Variants in CCSER1 observed in about 807,000 individuals in gnomAD.
CCSER1 encodes serine-rich coiled-coil domain-containing protein 1.
A neutral mutation model predicts 82.0 loss-of-function variants in CCSER1; 41 were observed. That is an observed-to-expected ratio of 0.50 (90% CI 0.39 to 0.65). The LOEUF is 0.65. CCSER1 is among the 30% of genes least tolerant of loss of function. The pLI is 0.00. For missense variants in CCSER1, 1,119 were observed against 1,064.2 expected (o/e 1.05, Z -0.72); for synonymous variants, 414 against 383.9 (o/e 1.08, Z -0.92).
chr4:90,982,974 G>T (rs980166296), intron 9 of CCSER1, among the ~76,000 whole-genome samples: 2 of 151,718 alleles, frequency 1.3e-5, no homozygotes, highest in African/African-American at 4.8e-5. Context: ...ACATCTAAGT[G>T]CATTTCCTCA....
At chr4:91,364,622 A>G (rs962244802) in intron 10 of CCSER1, among the ~76,000 whole-genome samples, 5 of 152,108 alleles carry the variant, frequency 3.3e-5, no homozygotes, top group Non-Finnish European at 5.9e-5. Flanking sequence ...GATTTTTAAC[A>G]TGAGTTACTG....
intron 5 of CCSER1, among the ~76,000 whole-genome samples, chr4:90,600,924 A>G (rs1211788505): frequency 6.6e-6 from 1 of 151,650 alleles, no homozygotes; most frequent in Non-Finnish European, 1.5e-5. Flanking sequence ...ATTTCTATGT[A>G]TTTTGTATTT....
At chr4:90,786,754 G>A (rs1754576910) in intron 7 of CCSER1, among the ~76,000 whole-genome samples, 1 of 152,170 alleles carries the variant, frequency 6.6e-6, no homozygotes, top group Non-Finnish European at 1.5e-5. Context: ...ACACAGAGCA[G>A]CAGACACCAG....
intron 8 of CCSER1, among the ~76,000 whole-genome samples, chr4:90,840,736 C>G (rs1444112756): frequency 1.3e-5 from 2 of 152,056 alleles, no homozygotes; most frequent in African/African-American, 2.4e-5. Context: ...TCCATGAAAG[C>G]TGTAAAGCTC....
intron 3 of CCSER1, among the ~76,000 whole-genome samples, chr4:90,353,750 C>A (rs1299507780): frequency 6.6e-6 from 1 of 152,180 alleles, no homozygotes; most frequent in East Asian, 1.9e-4. Context: ...GCACTCTCCT[C>A]CTCTGTAGGA....
chr4:91,174,898 G>C (rs976306849), intron 10 of CCSER1, among the ~76,000 whole-genome samples: 10 of 150,904 alleles, frequency 6.6e-5, no homozygotes, highest in African/African-American at 2.2e-4. Context: ...ATGTATACAT[G>C]TGCCATGTTG....
intron 10 of CCSER1, among the ~76,000 whole-genome samples, chr4:91,551,477 G>C (rs1762153780): frequency 6.6e-6 from 1 of 151,912 alleles, no homozygotes; most frequent in South Asian, 2.1e-4. Flanking sequence ...TTTCTATTAG[G>C]GTTTTATTGT....
intron 7 of CCSER1, among the ~76,000 whole-genome samples, chr4:90,804,386 TG>T (rs1338770083): frequency 7.1e-6 from 1 of 140,784 alleles, no homozygotes; most frequent in African/African-American, 2.7e-5. Flanking sequence ...AGTTGATTTT[TG>T]TATAAGGTGT....
At chr4:90,128,494 CGTGTGTGT>C (rs147426828) in intron 1 of CCSER1, among the ~76,000 whole-genome samples, 1 of 149,956 alleles carries the variant, frequency 6.7e-6, no homozygotes, top group Admixed American at 6.6e-5. Context: ...AGGTTGTGTG[CGTGTGTGT>C]GTGTGTGTGT....
chr4:91,480,011 C>A (rs373917977), intron 10 of CCSER1, among the ~76,000 whole-genome samples: 7 of 139,136 alleles, frequency 5.0e-5, no homozygotes, highest in East Asian at 2.1e-4. Context: ...TTTGTTCTTG[C>A]GATAGTTTAC....
chr4:91,074,390 G>A (rs576335812), intron 9 of CCSER1, among the ~76,000 whole-genome samples: 67 of 152,284 alleles, frequency 4.4e-4, no homozygotes, highest in Middle Eastern at 3.4e-3. Context: ...AACATCTTAT[G>A]CCACTAACAT....
At chr4:90,720,210 T>G (rs922838632) in intron 6 of CCSER1, among the ~76,000 whole-genome samples, 1 of 152,084 alleles carries the variant, frequency 6.6e-6, no homozygotes, top group Non-Finnish European at 1.5e-5. Context: ...CAGAATCATC[T>G]TGTGCCTCTT....
intron 10 of CCSER1, among the ~76,000 whole-genome samples, chr4:91,501,726 T>A (rs988666199): frequency 6.6e-6 from 1 of 152,258 alleles, no homozygotes; most frequent in African/African-American, 2.4e-5. Flanking sequence ...TCATCATTTG[T>A]GTTAGATAAC....
intron 10 of CCSER1, among the ~76,000 whole-genome samples, chr4:91,345,335 CA>C (rs1747982373): frequency 6.6e-6 from 1 of 151,974 alleles, no homozygotes; most frequent in African/African-American, 2.4e-5. Context: ...TGCAGTGAGT[CA>C]AGATCCTGCC....
intron 10 of CCSER1, among the ~76,000 whole-genome samples, chr4:91,576,831 T>A (rs113143608): frequency 2.3e-4 from 35 of 152,116 alleles, no homozygotes; most frequent in African/African-American, 7.9e-4. Flanking sequence ...ATTTTGGATT[T>A]TAAATTTTTG....
chr4:91,067,880 C>T (rs1721006417), intron 9 of CCSER1, among the ~76,000 whole-genome samples: 1 of 152,184 alleles, frequency 6.6e-6, no homozygotes, highest in Non-Finnish European at 1.5e-5. Context: ...TCATGAGAAA[C>T]AGTGACTAGC....
intron 3 of CCSER1, among the ~76,000 whole-genome samples, chr4:90,333,892 A>T (rs939851976): frequency 6.6e-6 from 1 of 152,218 alleles, no homozygotes; most frequent in African/African-American, 2.4e-5. Flanking sequence ...AGACAAAAAC[A>T]TTTGTATCAT....
At chr4:91,543,461 A>G (rs1255677401) in intron 10 of CCSER1, among the ~76,000 whole-genome samples, 2 of 152,086 alleles carry the variant, frequency 1.3e-5, no homozygotes, top group African/African-American at 4.8e-5. Flanking sequence ...TTCCATGTTT[A>G]GTGCTTCCTT....
chr4:90,191,122 T>C (rs1407739722), intron 1 of CCSER1, among the ~76,000 whole-genome samples: 2 of 151,968 alleles, frequency 1.3e-5, no homozygotes, highest in Non-Finnish European at 1.5e-5. Flanking sequence ...CATAATGCAT[T>C]AGGTTCTTGT....
Sources: gnomAD v4.1 joint callset for allele counts (sites outside exome capture counted in the v4.1 genomes callset) on GRCh38, gnomAD v4.1.1 for gene constraint, MANE v1.5 for transcripts, NCBI Gene and HGNC (gene_info 2026-07-23, HGNC 2026-07-21) for gene names.